NSUN4: variants seen among roughly 807,000 people sequenced by gnomAD.
NSUN4 encodes the protein NOP2/Sun RNA methyltransferase 4, also known as 5-cytosine rRNA methyltransferase NSUN4.
In NSUN4, 31 loss-of-function variants were observed where a neutral mutation model predicts 43.8. The observed-to-expected ratio is 0.71, with a 90% CI of 0.53 to 0.96. The LOEUF (loss-of-function observed/expected upper bound fraction) is 0.96, where lower values mean the gene tolerates loss of function less well. NSUN4 is among the 40% of genes least tolerant of loss of function. The pLI, the probability that NSUN4 is intolerant of heterozygous loss-of-function variation, is 0.00. For missense variants in NSUN4, 439 were observed against 475.6 expected, an observed-to-expected ratio of 0.92 and a Z score of 0.72; for synonymous variants, 167 against 184.1, an observed-to-expected ratio of 0.91 and a Z score of 0.75.
intron 4 of NSUN4, among the ~76,000 whole-genome samples, chr1:46,356,648 G>A (rs896036673): frequency 7.2e-5 from 11 of 151,816 alleles, no homozygotes; most frequent in Admixed American, 3.3e-4. Flanking sequence ...AGCCGAGATC[G>A]CGCCACTGCA....
At chr1:46,379,760 G>A in the NSUN4 span, among the ~76,000 whole-genome samples, 2 of 152,224 alleles carry the variant, frequency 1.3e-5, no homozygotes, top group Admixed American at 1.3e-4. Context: ...GTCTGGGGAA[G>A]GCTTGCTCAT....
chr1:46,371,692 G>A, the NSUN4 span, among the ~76,000 whole-genome samples: 3 of 151,914 alleles, frequency 2.0e-5, no homozygotes, highest in East Asian at 3.9e-4. Context: ...CCCCCGCCTC[G>A]GCCTCCCAAC....
At chr1:46,380,908 C>T in the NSUN4 span, among the ~76,000 whole-genome samples, 1 of 151,986 alleles carries the variant, frequency 6.6e-6, no homozygotes, top group East Asian at 1.9e-4. Context: ...TATGCTAGGC[C>T]CTGTTCTGGT....
chr1:46,340,996 A>G (rs1421561897), intron 1 of NSUN4, 77 bp downstream of exon 1: 2 of 1,365,298 alleles, frequency 1.5e-6, no homozygotes, highest in East Asian at 5.0e-5. Context: ...CCGGCCCTCT[A>G]GAACGCCTAG....
At chr1:46,345,999 A>C (rs1662459138) in intron 2 of NSUN4, among the ~76,000 whole-genome samples, 1 of 151,828 alleles carries the variant, frequency 6.6e-6, no homozygotes, top group African/African-American at 2.4e-5. Flanking sequence ...AAATACAAAA[A>C]AATTAGCTGG....
the NSUN4 span, among the ~76,000 whole-genome samples, chr1:46,384,068 C>T: frequency 1.3e-5 from 2 of 152,016 alleles, no homozygotes; most frequent in Non-Finnish European, 2.9e-5. Flanking sequence ...TATGGCAGAG[C>T]AGGAGATCGG....
rs1663941341 is a variant in NSUN4, at chr1:46,362,425, C to CA, written c.*580dup. ...GTGCAAAATAATCTGCTTACCTACT[C>CA]ACATTGGAAAAACCCTCTGAGCTGA... On this transcript the variant is annotated 3_prime_UTR_variant, in exon 6 of 6. Coordinates refer to ENST00000474844, the MANE Select transcript of NSUN4 (RefSeq NM_199044.4). 6.5e-6 allele frequency: 1 copy of CA among 152,900 alleles called. No homozygotes were observed. 9.5% of individuals were successfully genotyped at this position (152,900 alleles called of 1,614,324 possible). A position where few individuals can be genotyped will look rare whatever the true frequency, so the allele number is the denominator to read the frequency against.
intron 4 of NSUN4, among the ~76,000 whole-genome samples, chr1:46,355,938 C>G (rs781474816): frequency 6.6e-6 from 1 of 151,272 alleles, no homozygotes; most frequent in Non-Finnish European, 1.5e-5. Context: ...TGCTTGAACC[C>G]GGGAGGCAGA....
chr1:46,341,040 G>T, intron 1 of NSUN4, 121 bp downstream of exon 1: 5 of 1,124,914 alleles, frequency 4.4e-6, no homozygotes, highest in Non-Finnish European at 6.2e-6. Flanking sequence ...AACGTCCTTA[G>T]GCACCTCCCT....
intron 3 of NSUN4, among the ~76,000 whole-genome samples, chr1:46,348,820 T>TGTTTG (rs1320234672): frequency 2.1e-5 from 3 of 142,160 alleles, no homozygotes; most frequent in African/African-American, 8.0e-5. Flanking sequence ...TTTTTTTTTT[T>TGTTTG]TTTTTTTTTT....
chr1:46,360,246 AAAAATATATAT>A (rs1416547256), intron 4 of NSUN4, among the ~76,000 whole-genome samples: 1,208 of 28,408 alleles, frequency 0.043, 16 homozygotes, highest in East Asian at 0.058. Context: ...AAAAAAAAAA[AAAAATATATAT>A]ATATATATAT....
chr1:46,380,211 G>T, the NSUN4 span, among the ~76,000 whole-genome samples: 1 of 152,272 alleles, frequency 6.6e-6, no homozygotes, highest in South Asian at 2.1e-4. Context: ...GCCAGGGAAG[G>T]TATTACCTGT....
the NSUN4 span, among the ~76,000 whole-genome samples, chr1:46,381,687 G>C: frequency 1.3e-5 from 2 of 152,080 alleles, no homozygotes; most frequent in Non-Finnish European, 2.9e-5. Context: ...GAGAGGGTCT[G>C]GAAAAATGCT....
intron 1 of NSUN4, 116 bp downstream of exon 1, chr1:46,341,035 CCT>C: frequency 8.9e-7 from 1 of 1,121,792 alleles, no homozygotes; most frequent in Non-Finnish European, 1.3e-6. Context: ...CACGGAACGT[CCT>C]TAGGCACCTC....
At chr1:46,344,723 G>A in intron 1 of NSUN4, 78 bp from the exon 2 acceptor site, 2 of 1,286,346 alleles carry the variant, frequency 1.6e-6, no homozygotes, top group Non-Finnish European at 2.2e-6. Flanking sequence ...TTTGCCCCTA[G>A]GCTCTGAGGT....
Position 46,340,809 on chromosome 1 carries a change from C to A in NSUN4, c.-18C>A. 1 of 1,602,916 alleles carries A rather than the reference C, an allele frequency of 6.2e-7. No individual in the cohort carries two copies. The highest frequency in any genetic ancestry group is 2.3e-5 in the East Asian group (1 of 44,264). ...CTGTCGCGGTTCCGGTCGGAATTAC[C>A]CCGTGGAGCACGCCGATATGGCTGC... is the stretch of plus-strand genomic sequence containing the variant. On this transcript the variant is annotated 5_prime_UTR_variant, in exon 1 of 6. Transcript: ENST00000474844.
At position 46,362,816 on chromosome 1, in the gene NSUN4, C is replaced by G. The variant is rs1352920571; in HGVS notation, c.*970C>G. On this transcript the variant is annotated 3_prime_UTR_variant, in exon 6 of 6. Coordinates refer to ENST00000474844, the MANE Select transcript of NSUN4 (RefSeq NM_199044.4). ...ACCCCCTAATCCCTAACTCTTCCCT[C>G]AGCATCACAGGGCTTCACTGCACAC... 6.6e-6 allele frequency: 1 copy of G among 152,126 alleles called. No individual in the cohort carries two copies. Among genetic ancestry groups the G allele is most frequent in the Admixed American group, 6.6e-5 (1 of 15,252 alleles). The allele number at this position is 152,126 out of a possible 1,614,324, so 9.4% of individuals were successfully genotyped here.
chr1:46,345,550 A>G (rs1379123384), intron 2 of NSUN4, among the ~76,000 whole-genome samples: 1 of 150,146 alleles, frequency 6.7e-6, no homozygotes, highest in Non-Finnish European at 1.5e-5. Context: ...GAAATGTGTT[A>G]TTCACAGCAG....
chr1:46,375,754 A>C, the NSUN4 span, among the ~76,000 whole-genome samples: 1 of 150,720 alleles, frequency 6.6e-6, no homozygotes, highest in Non-Finnish European at 1.5e-5. Flanking sequence ...AAAAAAAAAA[A>C]AAAAGGAAGA....
Sources: gnomAD v4.1 joint callset for allele counts (sites outside exome capture counted in the v4.1 genomes callset) on GRCh38, gnomAD v4.1.1 for gene constraint, MANE v1.5 for transcripts, NCBI Gene and HGNC (gene_info 2026-07-23, HGNC 2026-07-21) for gene names.